The following PRRT1B variants were observed in gnomAD, a reference collection of about 807,000 sequenced individuals.
The protein encoded by PRRT1B is dispanin subfamily D member 2.
intron 1 of PRRT1B, among the ~76,000 whole-genome samples, chr9:131,553,123 G>A (rs1438167090): frequency 6.6e-6 from 1 of 152,100 alleles, no homozygotes; most frequent in Non-Finnish European, 1.5e-5. Flanking sequence ...AAAAAATGGT[G>A]CTAAATATGT....
intron 1 of PRRT1B, among the ~76,000 whole-genome samples, chr9:131,547,744 G>A (rs1221616889): frequency 6.6e-6 from 1 of 152,058 alleles, no homozygotes; most frequent in African/African-American, 2.4e-5. Context: ...CCAGCCCAAG[G>A]AACATCTCAC....
exon 1 of PRRT1B, chr9:131,545,527 C>T (rs1014290080): frequency 2.5e-6 from 1 of 394,384 alleles, no homozygotes; most frequent in African/African-American, 2.1e-5. Context: ...ACCAGGAAAC[C>T]TGAGCCCGCG....
At chr9:131,554,289 G>C (rs1268521107) in intron 1 of PRRT1B, among the ~76,000 whole-genome samples, 1 of 152,030 alleles carries the variant, frequency 6.6e-6, no homozygotes, top group African/African-American at 2.4e-5. Flanking sequence ...CCTCCCAATA[G>C]AGGCCATCTG....
exon 4 of PRRT1B, chr9:131,558,303 C>T (rs1049343321): frequency 1.8e-5 from 7 of 399,674 alleles, no homozygotes; most frequent in Admixed American, 1.3e-4. Flanking sequence ...GTGGCCAGCT[C>T]TTGCCTGCAG....
exon 2 of PRRT1B, chr9:131,554,945 G>T: frequency 2.6e-6 from 1 of 388,346 alleles, no homozygotes; most frequent in Non-Finnish European, 4.6e-6. Context: ...CGCTCTTCCC[G>T]CCGCCCGCCC....
At chr9:131,555,350 T>C (rs2132012039) in intron 2 of PRRT1B, among the ~76,000 whole-genome samples, 1 of 152,212 alleles carries the variant, frequency 6.6e-6, no homozygotes, top group South Asian at 2.1e-4. Context: ...CCAGAAACTT[T>C]GGGCAGGAGG....
At chr9:131,552,964 G>C (rs1340794764) in intron 1 of PRRT1B, among the ~76,000 whole-genome samples, 1 of 151,870 alleles carries the variant, frequency 6.6e-6, no homozygotes, top group Non-Finnish European at 1.5e-5. Context: ...GGGATTATAG[G>C]CGTGAGCCAT....
chr9:131,548,520 G>A (rs546603449), intron 1 of PRRT1B, among the ~76,000 whole-genome samples: 3 of 152,046 alleles, frequency 2.0e-5, no homozygotes, highest in East Asian at 1.9e-4. Context: ...AATTCTTGTC[G>A]TAAAATGGGC....
At chr9:131,550,847 C>T (rs184799071) in intron 1 of PRRT1B, among the ~76,000 whole-genome samples, 34 of 150,292 alleles carry the variant, frequency 2.3e-4, no homozygotes, top group African/African-American at 7.2e-4. Flanking sequence ...GTCCTGGGTC[C>T]TCCCAATTCT....
rs973716952 is a variant in PRRT1B at position 131,545,660 on chromosome 9, T to C, written c.25+20T>C. Reference sequence around the variant, plus strand: ...GGGCAGGTGCCGGAGGGGCAGGTGCTGGTGGGACAGGTACTGGCGGGGCAG... The same window carrying C: ...GGGCAGGTGCCGGAGGGGCAGGTGCCGGTGGGACAGGTACTGGCGGGGCAG... On this transcript the variant is annotated intron_variant, in intron 1 of 3. Coordinates refer to ENST00000636672, the Ensembl canonical transcript of PRRT1B. The C allele has an allele frequency of 2.4e-3, 945 of 393,702 alleles. 3 individuals are homozygous for C. The highest frequency in any genetic ancestry group is 0.011 in the African/African-American group (476 of 42,880). The allele number at this position is 393,702 out of a possible 1,614,324, so 24.4% of individuals were successfully genotyped here.
At chr9:131,552,822 G>A (rs2132009666) in intron 1 of PRRT1B, among the ~76,000 whole-genome samples, 1 of 150,756 alleles carries the variant, frequency 6.6e-6, no homozygotes, top group Admixed American at 6.6e-5. Context: ...AGACACTTGT[G>A]CTGCCACACC....
At chr9:131,559,515 T>C (rs1302088396), downstream of PRRT1B, among the ~76,000 whole-genome samples, 2 of 152,194 alleles carry the variant, frequency 1.3e-5, no homozygotes, top group Non-Finnish European at 2.9e-5. Context: ...TAGCTCAAGC[T>C]AAATCAGTTG....
chr9:131,547,425 T>C (rs539370220), intron 1 of PRRT1B, among the ~76,000 whole-genome samples: 24 of 152,158 alleles, frequency 1.6e-4, no homozygotes, highest in African/African-American at 4.3e-4. Flanking sequence ...ACCTTGTGAC[T>C]CCCACCCCTG....
At chr9:131,557,741 G>C (rs1339980046) in intron 3 of PRRT1B, among the ~76,000 whole-genome samples, 1 of 152,212 alleles carries the variant, frequency 6.6e-6, no homozygotes, top group Non-Finnish European at 1.5e-5. Flanking sequence ...ACCCTGGATA[G>C]GTCACTTAAC....
chr9:131,556,566 A>C (rs920429995), intron 3 of PRRT1B, among the ~76,000 whole-genome samples: 2 of 151,694 alleles, frequency 1.3e-5, no homozygotes, highest in Non-Finnish European at 2.9e-5. Flanking sequence ...CATCCACCCC[A>C]TCTCTCCATC....
At chr9:131,548,312 C>T (rs1195876567) in intron 1 of PRRT1B, among the ~76,000 whole-genome samples, 3 of 152,050 alleles carry the variant, frequency 2.0e-5, no homozygotes, top group Admixed American at 1.3e-4. Flanking sequence ...TATGGGCAAC[C>T]TTCCACCCTC....
chr9:131,549,767 A>C (rs1195913092), intron 1 of PRRT1B, among the ~76,000 whole-genome samples: 2 of 151,730 alleles, frequency 1.3e-5, no homozygotes, highest in African/African-American at 4.8e-5. Flanking sequence ...AAACTCCCCA[A>C]CTCTGCCAAC....
intron 1 of PRRT1B, among the ~76,000 whole-genome samples, chr9:131,547,423 A>G (rs1950983753): frequency 6.6e-6 from 1 of 151,186 alleles, no homozygotes; most frequent in Non-Finnish European, 1.5e-5. Flanking sequence ...GCACCTTGTG[A>G]CTCCCACCCC....
At chr9:131,546,053 C>A (rs1284111759) in intron 1 of PRRT1B, among the ~76,000 whole-genome samples, 2 of 152,120 alleles carry the variant, frequency 1.3e-5, no homozygotes, top group Non-Finnish European at 2.9e-5. Context: ...GCTCTGGGGG[C>A]GCCCCTGCGG....
Sources: gnomAD v4.1 joint callset for allele counts (sites outside exome capture counted in the v4.1 genomes callset) on GRCh38, gnomAD v4.1.1 for gene constraint, MANE v1.5 for transcripts, NCBI Gene and HGNC (gene_info 2026-07-23, HGNC 2026-07-21) for gene names.